Variants in CASTOR2 observed in about 807,000 individuals in gnomAD.
The protein encoded by CASTOR2 is cytosolic arginine sensor for mTORC1 subunit 2.
CASTOR2 carries 8 observed loss-of-function variants against 31.2 expected under a neutral mutation model. That is an observed-to-expected ratio of 0.26 (90% CI 0.15 to 0.46). CASTOR2 has a LOEUF of 0.46. Among genes scored for constraint, CASTOR2 ranks in the 20% least tolerant of loss-of-function variants. The pLI is 0.99. For missense variants in CASTOR2, 216 were observed against 382.1 expected (o/e 0.57, Z 3.62); for synonymous variants, 162 against 158.7 (o/e 1.02, Z -0.16).
At chr7:75,010,299 C>T (rs2131947224) in intron 2 of CASTOR2, among the ~76,000 whole-genome samples, 1 of 152,154 alleles carries the variant, frequency 6.6e-6, no homozygotes, top group Admixed American at 6.5e-5. Context: ...AAGCAAGGGC[C>T]AGGTCCAGCC....
chr7:74,967,335 CA>C (rs1803588104), intron 1 of CASTOR2, among the ~76,000 whole-genome samples: 1 of 129,560 alleles, frequency 7.7e-6, no homozygotes, highest in African/African-American at 2.7e-5. Context: ...GGCTTTTTAG[CA>C]AGTGTTAATG....
chr7:74,997,848 T>C (rs1468286584), intron 1 of CASTOR2, among the ~76,000 whole-genome samples: 2 of 152,128 alleles, frequency 1.3e-5, no homozygotes, highest in African/African-American at 4.8e-5. Context: ...TTGCTGACAC[T>C]TGTTTATCTC....
At chr7:74,987,741 A>T (rs1804105744) in intron 1 of CASTOR2, among the ~76,000 whole-genome samples, 1 of 151,746 alleles carries the variant, frequency 6.6e-6, no homozygotes, top group South Asian at 2.1e-4. Flanking sequence ...TTTTTTCGAG[A>T]CAGAGCACCT....
intron 2 of CASTOR2, among the ~76,000 whole-genome samples, chr7:75,009,436 T>G (rs1554439115): frequency 6.7e-6 from 1 of 150,162 alleles, no homozygotes; most frequent in Non-Finnish European, 1.5e-5. Context: ...CCCGGCTAAT[T>G]TTTTGTATTT....
chr7:74,998,763 A>C (rs1468437548), intron 1 of CASTOR2, among the ~76,000 whole-genome samples: 1 of 151,886 alleles, frequency 6.6e-6, no homozygotes, highest in East Asian at 1.9e-4. Flanking sequence ...ATTTTGCACC[A>C]AGACCTGACA....
At chr7:74,991,539 CAA>C (rs1437365963) in intron 1 of CASTOR2, among the ~76,000 whole-genome samples, 3 of 152,144 alleles carry the variant, frequency 2.0e-5, no homozygotes, top group South Asian at 2.1e-4. Context: ...GTAGCAGTGA[CAA>C]AGCCTCCTTG....
At chr7:74,973,333 C>CTTT (rs1200356756) in intron 1 of CASTOR2, among the ~76,000 whole-genome samples, 219 of 80,318 alleles carry the variant, frequency 2.7e-3, no homozygotes, top group Non-Finnish European at 3.4e-3. Context: ...CTCCAGTAAG[C>CTTT]TTTTTTTTTT....
rs1372604065 is a variant in CASTOR2 at position 75,024,698 on chromosome 7, A to G, written c.989A>G (p.Ter330TrpextTer20). ...ALKVSQAEKH* is the reference protein window; with the variant it reads ...ALKVSQAEKHW ...AAGGTCAGCCAAGCAGAGAAGCACT[A>G]GAAGGGTCTCTTCTGCTCCTCCCTG... The change falls in exon 9 of 9, where the codon TAG (stop) becomes TGG (tryptophan). Residue 330 changes from the stop codon to tryptophan, a stop_lost. Transcript: ENST00000616305. 1.9e-6 allele frequency: 3 copies of G among 1,551,514 alleles called. No individual in the cohort carries two copies. The highest frequency in any genetic ancestry group is 3.9e-5 in the Admixed American group (2 of 50,980).
At chr7:75,012,128 C>T (rs1244747135) in intron 2 of CASTOR2, among the ~76,000 whole-genome samples, 9 of 151,944 alleles carry the variant, frequency 5.9e-5, no homozygotes, top group African/African-American at 1.5e-4. Context: ...AAAGTGCTGC[C>T]GGAAAGTAAT....
intron 2 of CASTOR2, among the ~76,000 whole-genome samples, chr7:75,008,341 C>T (rs1398740979): frequency 8.5e-5 from 13 of 152,092 alleles, no homozygotes; most frequent in African/African-American, 2.4e-4. Context: ...TAAGTAGGTA[C>T]GGCGCTACCC....
Position 75,028,071 on chromosome 7 carries a change from G to C in CASTOR2, c.*3372G>C. 1 of 1,533,602 alleles carries C rather than the reference G, an allele frequency of 6.5e-7. No individual in the cohort carries two copies. The highest frequency in any genetic ancestry group is 8.7e-7 in the Non-Finnish European group (1 of 1,146,434). 95.0% of individuals were successfully genotyped at this position (1,533,602 alleles called of 1,614,324 possible). ...CTGTTGTCTTGGCGCTGGCGGATGG[G>C]GCAGGTGCCTGGCGGGGGAGGAAGA... On this transcript the variant is annotated 3_prime_UTR_variant, in exon 9 of 9. Coordinates refer to ENST00000616305, the MANE Select transcript of CASTOR2 (RefSeq NM_001145064.3).
intron 1 of CASTOR2, among the ~76,000 whole-genome samples, chr7:74,984,919 G>T (rs1426029822): frequency 6.6e-6 from 1 of 152,160 alleles, no homozygotes; most frequent in Non-Finnish European, 1.5e-5. Flanking sequence ...ATCACCTGAG[G>T]TCAGGAGTTC....
chr7:75,009,680 G>GGCT (rs1804694025), intron 2 of CASTOR2, among the ~76,000 whole-genome samples: 1 of 151,722 alleles, frequency 6.6e-6, no homozygotes, highest in Non-Finnish European at 1.5e-5. Context: ...AGAACCCCAT[G>GGCT]TGTGTACAGC....
chr7:75,020,210 A>G lies in CASTOR2; in HGVS notation c.746+61A>G, dbSNP rs916162405. Reference sequence around the variant, plus strand: ...GTGGGCCCCAGGGTCTGGGGGGACTATGTGATGGCACATCACCCACTTTGT... The same window carrying G: ...GTGGGCCCCAGGGTCTGGGGGGACTGTGTGATGGCACATCACCCACTTTGT... On this transcript the variant is annotated intron_variant, in intron 6 of 8. Coordinates refer to ENST00000616305, the MANE Select transcript of CASTOR2 (RefSeq NM_001145064.3). 1.9e-5 allele frequency: 27 copies of G among 1,400,378 alleles called. 1 individual carries two copies. Among genetic ancestry groups the G allele is most frequent in the South Asian group, 7.5e-5 (6 of 79,814 alleles). The allele number at this position is 1,400,378 out of a possible 1,614,324, so 86.7% of individuals were successfully genotyped here. A position where few individuals can be genotyped will look rare whatever the true frequency, so the allele number is the denominator to read the frequency against.
Position 75,003,522 on chromosome 7 carries a change from G to A in CASTOR2, c.114-4472G>A, listed in dbSNP as rs1470384697. ...TCCCAGCACTTTGGGAGGCCGAGGC[G>A]GGCAGATCACGAGGTCAGGAGATCG... On this transcript the variant is annotated intron_variant, in intron 1 of 8. Transcript: ENST00000616305. Among the ~76,000 whole-genome samples the A allele has an allele frequency of 5.3e-4, 80 of 152,032 alleles. 1 individual carries two copies. Among genetic ancestry groups the A allele is most frequent in the Non-Finnish European group, 7.9e-4 (54 of 67,982 alleles).
At position 75,018,137 on chromosome 7, in the gene CASTOR2, G is replaced by C; in HGVS notation, c.511+15G>C. On this transcript the variant is annotated intron_variant, in intron 4 of 8. Coordinates refer to ENST00000616305, the MANE Select transcript of CASTOR2 (RefSeq NM_001145064.3). ...GCCCAAGCTGGGTGAGCTGGGGGCG[G>C]GGGTTTGTGCAGGGGAAACCTCACG... 1 of 1,613,276 alleles carries C rather than the reference G, an allele frequency of 6.2e-7. No homozygotes were observed. The highest frequency in any genetic ancestry group is 8.5e-7 in the Non-Finnish European group (1 of 1,179,528).
At chr7:74,987,524 C>T (rs1804097560) in intron 1 of CASTOR2, among the ~76,000 whole-genome samples, 1 of 152,114 alleles carries the variant, frequency 6.6e-6, no homozygotes, top group African/African-American at 2.4e-5. Flanking sequence ...CTGGGCCTTT[C>T]TCCCGCAGAG....
Position 75,024,924 on chromosome 7 carries a change from G to T in CASTOR2, c.*225G>T, listed in dbSNP as rs929690545. On this transcript the variant is annotated 3_prime_UTR_variant, in exon 9 of 9. Coordinates refer to ENST00000616305, the MANE Select transcript of CASTOR2 (RefSeq NM_001145064.3). ...GGAGCCCCCCGACCCTCCAGAGAAC[G>T]ACCTTTCTCTTCCCTACCTCCCCCA... 41 of 1,073,384 alleles carry T rather than the reference G, an allele frequency of 3.8e-5. No homozygotes were observed. The East Asian group carries it at 6.2e-4, about 16-fold the overall frequency. 66.5% of individuals were successfully genotyped at this position (1,073,384 alleles called of 1,614,324 possible). A position where few individuals can be genotyped will look rare whatever the true frequency, so the allele number is the denominator to read the frequency against.
At chr7:74,988,465 T>A (rs1804125465) in intron 1 of CASTOR2, among the ~76,000 whole-genome samples, 1 of 152,090 alleles carries the variant, frequency 6.6e-6, no homozygotes, top group East Asian at 1.9e-4. Context: ...GCCCAGCTAA[T>A]TTTTTATGTT....
Sources: allele counts gnomAD v4.1 joint callset (sites outside exome capture counted in the v4.1 genomes callset), GRCh38; gene constraint gnomAD v4.1.1; transcripts MANE v1.5; gene names NCBI Gene and HGNC (gene_info 2026-07-23, HGNC 2026-07-21).